The following SCHIP1 variants were observed in gnomAD, a reference collection of about 807,000 sequenced individuals.
The protein encoded by SCHIP1 is schwannomin-interacting protein 1.
A neutral mutation model predicts 29.7 loss-of-function variants in SCHIP1; 8 were observed. The ratio of observed to expected loss-of-function variants is 0.27; its 90% CI spans 0.16 to 0.49. SCHIP1 has a LOEUF of 0.49. Ranked by LOEUF, SCHIP1 falls within the 20% of genes least tolerant of loss-of-function variation. SCHIP1 has a pLI of 0.99. For missense variants in SCHIP1, 193 were observed against 294.6 expected (o/e 0.66, Z 2.52); for synonymous variants, 76 against 94.9 (o/e 0.80, Z 1.16).
At chr3:159,334,576 T>C in the SCHIP1 span, among the ~76,000 whole-genome samples, 2 of 152,164 alleles carry the variant, frequency 1.3e-5, no homozygotes, top group South Asian at 2.1e-4. Flanking sequence ...CTGCCTCTTA[T>C]AGTCAAATCA....
At chr3:159,399,293 A>C in the SCHIP1 span, among the ~76,000 whole-genome samples, 1 of 151,572 alleles carries the variant, frequency 6.6e-6, no homozygotes, top group Admixed American at 6.6e-5. Context: ...AGCTCTACTT[A>C]CTCTTTATTT....
chr3:159,458,235 C>A, the SCHIP1 span, among the ~76,000 whole-genome samples: 2 of 152,328 alleles, frequency 1.3e-5, no homozygotes, highest in African/African-American at 4.8e-5. Flanking sequence ...CTGTCCTCCC[C>A]AGTAGTTGTC....
the SCHIP1 span, among the ~76,000 whole-genome samples, chr3:159,384,577 G>A: frequency 2.0e-5 from 3 of 150,858 alleles, no homozygotes; most frequent in African/African-American, 7.3e-5. Flanking sequence ...TCTCTTTTTT[G>A]GTTGTGTCTC....
the SCHIP1 span, among the ~76,000 whole-genome samples, chr3:159,289,103 C>T: frequency 1.3e-5 from 2 of 152,202 alleles, no homozygotes; most frequent in Admixed American, 6.5e-5. Flanking sequence ...AACTTTTTCT[C>T]ATCAGCATTG....
At chr3:159,890,850 G>T (rs1265216400) in intron 5 of SCHIP1, among the ~76,000 whole-genome samples, 1 of 152,010 alleles carries the variant, frequency 6.6e-6, no homozygotes, top group East Asian at 1.9e-4. Flanking sequence ...TTTGAAGTCA[G>T]GATATCTAAA....
chr3:159,483,339 CG>C, the SCHIP1 span, among the ~76,000 whole-genome samples: 3 of 152,074 alleles, frequency 2.0e-5, no homozygotes, highest in African/African-American at 7.2e-5. Flanking sequence ...GTGGGAGAAA[CG>C]AGAACAACCT....
the SCHIP1 span, among the ~76,000 whole-genome samples, chr3:159,512,148 C>G: frequency 6.6e-6 from 1 of 151,504 alleles, no homozygotes; most frequent in Non-Finnish European, 1.5e-5. Context: ...TAATGGGAGA[C>G]AGAGAGGGAA....
At chr3:159,818,613 A>G in the SCHIP1 span, among the ~76,000 whole-genome samples, 1 of 152,234 alleles carries the variant, frequency 6.6e-6, no homozygotes. Flanking sequence ...TGCTACCAGC[A>G]TGCTGTCTGT....
chr3:159,441,700 G>A, the SCHIP1 span, among the ~76,000 whole-genome samples: 3 of 152,126 alleles, frequency 2.0e-5, no homozygotes, highest in African/African-American at 7.2e-5. Flanking sequence ...AGGAGTGATA[G>A]GTGCTACGTA....
the SCHIP1 span, among the ~76,000 whole-genome samples, chr3:159,468,026 G>A: frequency 6.6e-6 from 1 of 152,092 alleles, no homozygotes; most frequent in East Asian, 1.9e-4. Flanking sequence ...ATTGTTCCAA[G>A]TGCGGCTTCT....
the SCHIP1 span, among the ~76,000 whole-genome samples, chr3:159,555,285 G>A: frequency 6.6e-6 from 1 of 152,114 alleles, no homozygotes; most frequent in Non-Finnish European, 1.5e-5. Flanking sequence ...TGCTTGGAGA[G>A]CCTGAAACTC....
chr3:159,711,213 T>TTTCCACCAAGCTTCGGGTAGGTATTAGTA, the SCHIP1 span, among the ~76,000 whole-genome samples: 16 of 81,912 alleles, frequency 2.0e-4, no homozygotes, highest in African/African-American at 1.2e-3. Context: ...TTTAAAAAAT[T>TTTCCACCAAGCTTCGGGTAGGTATTAGTA]AGCCGGGCGT....
At chr3:159,403,272 C>G in the SCHIP1 span, among the ~76,000 whole-genome samples, 1 of 152,164 alleles carries the variant, frequency 6.6e-6, no homozygotes, top group Non-Finnish European at 1.5e-5. Flanking sequence ...ACTCTCCCCA[C>G]AGAAACACCA....
intron 1 of SCHIP1, among the ~76,000 whole-genome samples, chr3:159,844,765 A>G (rs1478271801): frequency 2.6e-5 from 4 of 152,182 alleles, no homozygotes; most frequent in Non-Finnish European, 5.9e-5. Context: ...GGGTTTTGGG[A>G]TAAGTGTGTA....
At chr3:159,695,863 C>T in the SCHIP1 span, among the ~76,000 whole-genome samples, 1 of 152,136 alleles carries the variant, frequency 6.6e-6, no homozygotes, top group Non-Finnish European at 1.5e-5. Flanking sequence ...AATTCCCTTC[C>T]TGCTCACTAA....
the SCHIP1 span, among the ~76,000 whole-genome samples, chr3:159,386,379 G>A: frequency 2.0e-5 from 3 of 152,304 alleles, no homozygotes; most frequent in East Asian, 5.8e-4. Flanking sequence ...GGAAATAAGA[G>A]AGGACACAAA....
chr3:159,670,250 A>G, the SCHIP1 span, among the ~76,000 whole-genome samples: 1 of 152,214 alleles, frequency 6.6e-6, no homozygotes, highest in East Asian at 1.9e-4. Flanking sequence ...AAACAAACCC[A>G]TCAAGAAGAA....
chr3:159,480,912 G>A, the SCHIP1 span, among the ~76,000 whole-genome samples: 4 of 152,110 alleles, frequency 2.6e-5, no homozygotes, highest in Non-Finnish European at 4.4e-5. Context: ...AAGGGAGATA[G>A]GGGTGGAGCT....
chr3:159,399,662 G>A, the SCHIP1 span, among the ~76,000 whole-genome samples: 3 of 152,048 alleles, frequency 2.0e-5, no homozygotes, highest in Non-Finnish European at 2.9e-5. Context: ...ACACACTGAT[G>A]AATCACCTGA....
Sources: allele counts gnomAD v4.1 joint callset (sites outside exome capture counted in the v4.1 genomes callset), GRCh38; gene constraint gnomAD v4.1.1; transcripts MANE v1.5; gene names NCBI Gene and HGNC (gene_info 2026-07-23, HGNC 2026-07-21).